Variants in CEP131 observed in about 807,000 individuals in gnomAD.
CEP131 encodes the protein centrosomal protein of 131 kDa.
CEP131 carries 99 observed loss-of-function variants against 136.8 expected under a neutral mutation model. The observed-to-expected ratio is 0.72, with a 90% CI of 0.62 to 0.86. The LOEUF is 0.86. CEP131 is among the 40% of genes least tolerant of loss of function. CEP131 has a pLI of 0.00. For missense variants in CEP131, 1,459 were observed against 1,463.0 expected, an observed-to-expected ratio of 1.00 and a Z score of 0.04; for synonymous variants, 646 against 612.7, an observed-to-expected ratio of 1.05 and a Z score of -0.80.
At chr17:81,204,813 G>A (rs1223366050) in intron 5 of CEP131, among the ~76,000 whole-genome samples, 1 of 151,932 alleles carries the variant, frequency 6.6e-6, no homozygotes, top group African/African-American at 2.4e-5. Context: ...AGCCTGGCCT[G>A]CACCTGGCAC....
chr17:81,201,993 C>A (rs924853658), intron 7 of CEP131, among the ~76,000 whole-genome samples: 1 of 151,390 alleles, frequency 6.6e-6, no homozygotes, highest in Non-Finnish European at 1.5e-5. Flanking sequence ...CCCAGCTACT[C>A]GGGAGGCTGA....
chr17:81,212,104 C>T (rs1007576040), intron 2 of CEP131, among the ~76,000 whole-genome samples: 8 of 151,726 alleles, frequency 5.3e-5, no homozygotes, highest in East Asian at 1.9e-4. Flanking sequence ...AATCTGAGGT[C>T]GGGAGTTTGA....
intron 2 of CEP131, among the ~76,000 whole-genome samples, chr17:81,217,815 T>C (rs1004648251): frequency 2.0e-5 from 3 of 152,192 alleles, no homozygotes; most frequent in African/African-American, 7.2e-5. Flanking sequence ...TAGCGCTCGC[T>C]GTGGCTTTGA....
chr17:81,197,313 T>C (rs2061781884), intron 13 of CEP131: 1 of 569,912 alleles, frequency 1.8e-6, no homozygotes, highest in Non-Finnish European at 3.1e-6. Flanking sequence ...CTTCCTGCCC[T>C]GTGACAATAA....
chr17:81,204,351 C>T (rs1025993911), intron 5 of CEP131, among the ~76,000 whole-genome samples: 5 of 152,086 alleles, frequency 3.3e-5, no homozygotes, highest in African/African-American at 9.7e-5. Flanking sequence ...GGACAGCCAC[C>T]GCCACCCCTC....
intron 6 of CEP131, among the ~76,000 whole-genome samples, chr17:81,202,710 C>A (rs2061920436): frequency 6.6e-6 from 1 of 152,190 alleles, no homozygotes; most frequent in African/African-American, 2.4e-5. Context: ...ACCTGTAATC[C>A]CAGCACTTTG....
chr17:81,199,408 G>A lies in CEP131; in HGVS notation c.1165C>T (p.His389Tyr). ...GTATTGTTGGCCTTGAGGGCCTGGT[G>A]GGCAGTGCCGCCTGGTGTGGGGGAC... ...ELSPTPGGTA[H>Y]QALKANNTGG... is the part of the protein sequence containing the mutation. The change falls in exon 10 of 26, where the codon CAC (histidine) becomes TAC (tyrosine). Residue 389 changes from histidine to tyrosine, a missense_variant. Physicochemically the swap from His to Tyr is moderately conservative, Grantham distance 83 (BLOSUM62 2). Transcript: ENST00000450824. The A allele has an allele frequency of 6.2e-7, 1 of 1,605,906 alleles. No homozygotes were observed. Among genetic ancestry groups the A allele is most frequent in the Non-Finnish European group, 8.5e-7 (1 of 1,177,714 alleles).
rs1037622026 is a variant in CEP131, at chr17:81,209,130, C to T, written c.178-108G>A. 6 of 835,380 alleles carry T rather than the reference C, an allele frequency of 7.2e-6. No homozygotes were observed. The African/African-American group carries it at 8.4e-5, about 12-fold the overall frequency. The allele number at this position is 835,380 out of a possible 1,614,324, so 51.7% of individuals were successfully genotyped here. On this transcript the variant is annotated intron_variant, in intron 2 of 25. Transcript: ENST00000450824. ...GCAGTCAGAGAACAGAGGGGTGGCC[C>T]TAGGGTTACAGGTGGCCCAAGTGGC...
chr17:81,193,468 G>A (rs992819914), intron 18 of CEP131, among the ~76,000 whole-genome samples: 3 of 152,190 alleles, frequency 2.0e-5, no homozygotes, highest in African/African-American at 7.2e-5. Context: ...ACCACCACTG[G>A]GCACGTCCCC....
At chr17:81,198,431 G>T in intron 11 of CEP131, 134 bp from the exon 12 acceptor site, 1 of 963,828 alleles carries the variant, frequency 1.0e-6, no homozygotes, top group Non-Finnish European at 1.5e-6. Flanking sequence ...CCAGGAAGGT[G>T]AGGCCAGGGC....
rs574947068 is a variant in CEP131, at chr17:81,190,959, C to T, written c.2891G>A (p.Arg964His). Residue 964 changes from arginine (R) to histidine (H), a missense_variant, in exon 23 of 26, where the codon CGT becomes CAT. This residue lies in a region of CEP131 where 1,026 missense variants were observed against 964.2 expected (regional missense o/e 1.06). Transcript: ENST00000450824. ...CTTCTGCCGCACAAGGCCCTGCAGA[C>T]GCAGATTCTCGCCCTCGGCCTCCCC... ...QLGEAEGENL[R>H]LQGLVRQKER... 37 of 1,605,686 alleles carry T rather than the reference C, an allele frequency of 2.3e-5. 1 individual carries two copies. The highest frequency in any genetic ancestry group is 1.6e-4 in the South Asian group (15 of 91,082).
chr17:81,206,702 C>G (rs1437007049), intron 5 of CEP131, 42 bp downstream of exon 5: 1 of 1,573,992 alleles, frequency 6.4e-7, no homozygotes, highest in Non-Finnish European at 8.6e-7. Context: ...ACTCCAGGAG[C>G]TTCCCACTGG....
chr17:81,203,581 C>A lies in CEP131; in HGVS notation c.542G>T (p.Cys181Phe). 1 of 1,603,284 alleles carries A rather than the reference C, an allele frequency of 6.2e-7. No individual in the cohort carries two copies. Among genetic ancestry groups the A allele is most frequent in the Admixed American group, 1.7e-5 (1 of 58,622 alleles). ...GCGGTTGTGCACCATGGTGGTGACG[C>A]AGTTGCCCACTGCTCCCTTGTTGCT... ...NRSNKGAVGNCVTTMVHNRYT... is the reference protein window; with the variant it reads ...NRSNKGAVGNFVTTMVHNRYT... Residue 181 changes from cysteine (C) to phenylalanine (F), a missense_variant, in exon 6 of 26, where the codon TGC becomes TTC. Coordinates refer to ENST00000450824, the MANE Select transcript of CEP131 (RefSeq NM_014984.4). The surrounding 1 kb of genome is among the most constrained non-coding windows in gnomAD (Gnocchi z 4.6).
chr17:81,218,967 C>A (rs535860822), intron 2 of CEP131, among the ~76,000 whole-genome samples: 1 of 152,258 alleles, frequency 6.6e-6, no homozygotes, highest in African/African-American at 2.4e-5. Flanking sequence ...GAAGCCAAGG[C>A]CCCCAGGCCC....
chr17:81,196,377 G>A (rs981144551), intron 15 of CEP131, among the ~76,000 whole-genome samples: 1 of 152,182 alleles, frequency 6.6e-6, no homozygotes, highest in African/African-American at 2.4e-5. Context: ...AGCAGCCCTG[G>A]AGGCCCCTAT....
Position 81,208,506 on chromosome 17 carries a change from C to T in CEP131, c.272+422G>A, listed in dbSNP as rs574285896. On this transcript the variant is annotated intron_variant, in intron 3 of 25. Transcript: ENST00000450824. The surrounding 1 kb of genome is among the most constrained non-coding windows in gnomAD (Gnocchi z 5.6). ...CTCCCCAGCCCGCTGGTTTGGAGGC[C>T]GCAAGGGACAGTGGCAGGGTTTAAG... Among the ~76,000 whole-genome samples the T allele has an allele frequency of 3.0e-4, 46 of 152,302 alleles. No individual in the cohort carries two copies. The highest frequency in any genetic ancestry group is 2.7e-3 in the South Asian group (13 of 4,822).
chr17:81,220,110 G>C, intron 1 of CEP131, 37 bp from the exon 2 acceptor site: 3 of 1,458,054 alleles, frequency 2.1e-6, no homozygotes, highest in Middle Eastern at 2.6e-4. Context: ...GAGATGCCGT[G>C]GGGGAACTAC....
At position 81,194,026 on chromosome 17, in the gene CEP131, C is replaced by G. The variant is rs1176281350; in HGVS notation, c.2221G>C (p.Ala741Pro). The G allele has an allele frequency of 1.3e-6, 2 of 1,574,906 alleles. No homozygotes were observed. Among genetic ancestry groups the G allele is most frequent in the African/African-American group, 2.7e-5 (2 of 73,438 alleles). The change falls in exon 18 of 26, where the codon GCC becomes CCC. Residue 741 changes from alanine (A) to proline (P), a missense_variant. Coordinates refer to ENST00000450824, the MANE Select transcript of CEP131 (RefSeq NM_014984.4). ...GCCTGGCGCAGGCAGCGCTGCGAGG[C>G]CCGCTCATCCGACTGCAGCAGCTCC... ...EAELLQSDER[A>P]SQRCLRQAEE...
intron 24 of CEP131, 121 bp from the exon 25 acceptor site, chr17:81,190,096 C>A (rs902368716): frequency 1.1e-6 from 1 of 892,940 alleles, no homozygotes; most frequent in Non-Finnish European, 1.7e-6. Context: ...CTGCTGACCA[C>A]GACTCCTGTG....
Sources: allele counts gnomAD v4.1 joint callset (sites outside exome capture counted in the v4.1 genomes callset), GRCh38; gene constraint gnomAD v4.1.1; regional missense constraint gnomAD v4.1.1; non-coding constraint Gnocchi (gnomAD v3.1); transcripts MANE v1.5; gene names NCBI Gene and HGNC (gene_info 2026-07-23, HGNC 2026-07-21).